POFUT3: variants seen among roughly 807,000 people sequenced by gnomAD.
POFUT3 encodes GDP-fucose protein O-fucosyltransferase 3.
chr8:33,374,859 CTTTT>C, the POFUT3 span, among the ~76,000 whole-genome samples: 3,295 of 147,862 alleles, frequency 0.022, 124 homozygotes, highest in African/African-American at 0.077. Flanking sequence ...AAGACATTTT[CTTTT>C]TTTTCTTTTC....
the POFUT3 span, among the ~76,000 whole-genome samples, chr8:33,318,346 C>A: frequency 6.7e-6 from 1 of 150,024 alleles, no homozygotes; most frequent in Non-Finnish European, 1.5e-5. Context: ...TTATACAAAT[C>A]CTACAATGTC....
At chr8:33,322,761 C>A in the POFUT3 span, among the ~76,000 whole-genome samples, 1 of 152,108 alleles carries the variant, frequency 6.6e-6, no homozygotes, top group African/African-American at 2.4e-5. Flanking sequence ...CAATCTATAT[C>A]TACAAATAGC....
the POFUT3 span, among the ~76,000 whole-genome samples, chr8:33,449,353 G>C: frequency 8.1e-6 from 1 of 123,180 alleles, no homozygotes; most frequent in Non-Finnish European, 1.6e-5. Context: ...GCAATGACAC[G>C]ATCTTGGCTC....
the POFUT3 span, among the ~76,000 whole-genome samples, chr8:33,381,667 G>GT: frequency 1.3e-5 from 2 of 152,184 alleles, no homozygotes; most frequent in Admixed American, 1.3e-4. Context: ...TGCAGCATTT[G>GT]TTACGAGTTC....
chr8:33,436,750 G>A, the POFUT3 span: 472 of 584,316 alleles, frequency 8.1e-4, 3 homozygotes, highest in South Asian at 9.6e-3. Flanking sequence ...CTTGCAGCAC[G>A]GACGCTTCTG....
chr8:33,389,533 C>A, the POFUT3 span: 2 of 1,614,182 alleles, frequency 1.2e-6, no homozygotes, highest in Non-Finnish European at 1.7e-6. Flanking sequence ...GTACATACAC[C>A]AGCGGAGCAA....
the POFUT3 span, among the ~76,000 whole-genome samples, chr8:33,335,619 G>T: frequency 6.6e-6 from 1 of 152,122 alleles, no homozygotes; most frequent in Admixed American, 6.5e-5. Context: ...TTGAAAATCT[G>T]CCTATAACTT....
At chr8:33,319,382 G>GTTTATATAATATGT in the POFUT3 span, among the ~76,000 whole-genome samples, 1 of 6,686 alleles carries the variant, frequency 1.5e-4, no homozygotes, top group African/African-American at 2.7e-4. Context: ...ATATATTATA[G>GTTTATATAATATGT]AAATATATTT....
chr8:33,361,354 G>A, the POFUT3 span: 12 of 152,264 alleles, frequency 7.9e-5, no homozygotes, highest in East Asian at 7.7e-4. Context: ...ACTTATTCTG[G>A]ACTTGCCAGC....
chr8:33,433,000 G>A, the POFUT3 span, among the ~76,000 whole-genome samples: 12 of 152,048 alleles, frequency 7.9e-5, no homozygotes, highest in Non-Finnish European at 8.8e-5. Context: ...TTGGGAGGCC[G>A]AGGCAAGTAG....
the POFUT3 span, among the ~76,000 whole-genome samples, chr8:33,445,084 C>A: frequency 1.3e-5 from 2 of 151,946 alleles, no homozygotes; most frequent in African/African-American, 4.8e-5. Flanking sequence ...CAGGCACGCA[C>A]CACCATGCCC....
At chr8:33,413,247 T>A in the POFUT3 span, among the ~76,000 whole-genome samples, 1 of 152,094 alleles carries the variant, frequency 6.6e-6, no homozygotes, top group African/African-American at 2.4e-5. Context: ...TGGGAGGTAA[T>A]TAGGTTTCGA....
At chr8:33,385,118 A>T in the POFUT3 span, among the ~76,000 whole-genome samples, 1 of 152,192 alleles carries the variant, frequency 6.6e-6, no homozygotes, top group Non-Finnish European at 1.5e-5. Context: ...CCTAGACTAG[A>T]TACAGGAACC....
the POFUT3 span, among the ~76,000 whole-genome samples, chr8:33,320,906 G>A: frequency 6.6e-6 from 1 of 152,008 alleles, no homozygotes; most frequent in African/African-American, 2.4e-5. Flanking sequence ...TAAGTCACAG[G>A]ATGAGTCCAG....
chr8:33,346,332 C>T, the POFUT3 span, among the ~76,000 whole-genome samples: 1 of 152,168 alleles, frequency 6.6e-6, no homozygotes, highest in African/African-American at 2.4e-5. Flanking sequence ...AAACCCTTCT[C>T]TATTAAGCAC....
chr8:33,380,828 C>T, the POFUT3 span, among the ~76,000 whole-genome samples: 1 of 144,058 alleles, frequency 6.9e-6, no homozygotes, highest in African/African-American at 2.6e-5. Context: ...TAGAATGAGA[C>T]CCTGTCTCAA....
At chr8:33,397,380 C>T in the POFUT3 span, among the ~76,000 whole-genome samples, 6 of 152,128 alleles carry the variant, frequency 3.9e-5, no homozygotes, top group Non-Finnish European at 7.4e-5. Flanking sequence ...GTGAGTTAAC[C>T]GGGCAAGAAC....
the POFUT3 span, among the ~76,000 whole-genome samples, chr8:33,375,328 G>GA: frequency 6.6e-6 from 1 of 152,174 alleles, no homozygotes; most frequent in African/African-American, 2.4e-5. Flanking sequence ...CAACAGAAGA[G>GA]AAAAAAAGAA....
At chr8:33,466,925 T>C in the POFUT3 span, among the ~76,000 whole-genome samples, 1 of 152,012 alleles carries the variant, frequency 6.6e-6, no homozygotes, top group Non-Finnish European at 1.5e-5. Context: ...ACCAATATGG[T>C]GAAGCCCTGT....
Sources: gnomAD v4.1 joint callset for allele counts (sites outside exome capture counted in the v4.1 genomes callset) on GRCh38, gnomAD v4.1.1 for gene constraint, MANE v1.5 for transcripts, NCBI Gene and HGNC (gene_info 2026-07-23, HGNC 2026-07-21) for gene names.